Variants in CDK15 observed in about 807,000 individuals in gnomAD.
CDK15 encodes the protein cyclin-dependent kinase 15.
Under a neutral mutation model 60.3 loss-of-function variants are expected in CDK15, and 62 were observed. The ratio of observed to expected loss-of-function variants is 1.03; its 90% CI spans 0.84 to 1.27. CDK15 has a LOEUF of 1.27. Among genes scored for constraint, CDK15 ranks in the 50% most tolerant of loss-of-function variants. The pLI is 0.00. For missense variants in CDK15, 541 were observed against 527.8 expected (o/e 1.03, Z -0.25); for synonymous variants, 194 against 195.7 (o/e 0.99, Z 0.07).
At chr2:201,809,075 A>G (rs377736824) in intron 3 of CDK15, among the ~76,000 whole-genome samples, 1 of 152,096 alleles carries the variant, frequency 6.6e-6, no homozygotes, top group Non-Finnish European at 1.5e-5. Context: ...TGTTTTAGTC[A>G]TGGTGTACCT....
rs1434467509 is a variant in CDK15 at position 201,823,714 on chromosome 2, C to CTT, written c.594_595insTT (p.His199PhefsTer28). Reference sequence around the variant, plus strand: ...TCTCAGCATCCAGGAGGGCTTCATCCTCATAATGTCAGAGTGAGTACGTTA... The same window carrying CTT: ...TCTCAGCATCCAGGAGGGCTTCATCCTTTCATAATGTCAGAGTGAGTACGTTA... On this transcript the variant is annotated frameshift_variant, in exon 6 of 14. Transcript: ENST00000652192. LOFTEE classifies it high-confidence loss of function. The CTT allele has an allele frequency of 6.2e-7, 1 of 1,613,616 alleles. No individual in the cohort carries two copies.
intron 10 of CDK15, among the ~76,000 whole-genome samples, chr2:201,868,192 G>A (rs1319742673): frequency 6.6e-6 from 1 of 152,198 alleles, no homozygotes; most frequent in African/African-American, 2.4e-5. Flanking sequence ...GTGGGAGAGA[G>A]AGGGATGTTA....
rs947354576 is a variant in CDK15, at chr2:201,894,428, A to C, written c.*1161A>C. 1 of 152,248 alleles carries C rather than the reference A, an allele frequency of 6.6e-6. No individual in the cohort carries two copies. The highest frequency in any genetic ancestry group is 2.4e-5 in the African/African-American group (1 of 41,472). 9.4% of individuals were successfully genotyped at this position (152,248 alleles called of 1,614,324 possible). A position where few individuals can be genotyped will look rare whatever the true frequency, so the allele number is the denominator to read the frequency against. On this transcript the variant is annotated 3_prime_UTR_variant, in exon 14 of 14. Transcript: ENST00000652192. ...GTAAGGCATTTGACAAAGACTGTCC[A>C]GCTATACCTGAAAGATGAAACAGTG...
chr2:201,826,956 C>T (rs1386841418), intron 6 of CDK15, among the ~76,000 whole-genome samples: 3 of 152,192 alleles, frequency 2.0e-5, no homozygotes, highest in African/African-American at 4.8e-5. Flanking sequence ...TCTGAGAGGA[C>T]AAACATTTTG....
At chr2:201,881,800 CA>C (rs1201542983) in intron 12 of CDK15, among the ~76,000 whole-genome samples, 3 of 152,146 alleles carry the variant, frequency 2.0e-5, no homozygotes, top group African/African-American at 7.2e-5. Context: ...CTTCCCAGTC[CA>C]AGCCCCTAGA....
At chr2:201,854,810 T>C in intron 9 of CDK15, 64 bp from the exon 10 acceptor site, 1 of 1,417,670 alleles carries the variant, frequency 7.1e-7, no homozygotes, top group South Asian at 1.2e-5. Flanking sequence ...CATGTCTCCA[T>C]ACCTCTTCCA....
intron 4 of CDK15, among the ~76,000 whole-genome samples, chr2:201,819,344 G>A (rs1461867012): frequency 6.6e-6 from 1 of 152,242 alleles, no homozygotes; most frequent in African/African-American, 2.4e-5. Context: ...GTGTTTGCAA[G>A]TGTGTCTAAG....
intron 8 of CDK15, 61 bp downstream of exon 8, chr2:201,835,824 CATTAT>C (rs1696985002): frequency 7.8e-7 from 1 of 1,281,222 alleles, no homozygotes; most frequent in African/African-American, 1.6e-5. Context: ...TTATCATCTA[CATTAT>C]ATTTTAATAA....
chr2:201,860,932 TCTG>T, intron 10 of CDK15: 5 of 1,303,606 alleles, frequency 3.8e-6, no homozygotes, highest in Non-Finnish European at 5.0e-6. Flanking sequence ...AAAGAGCTAT[TCTG>T]CTTTGGGCTC....
chr2:201,871,996 C>T (rs1698866119), intron 10 of CDK15, among the ~76,000 whole-genome samples: 1 of 152,080 alleles, frequency 6.6e-6, no homozygotes, highest in African/African-American at 2.4e-5. Flanking sequence ...ATTACATCTA[C>T]AATGACCCTA....
intron 10 of CDK15, among the ~76,000 whole-genome samples, chr2:201,856,088 A>G (rs1328116497): frequency 6.6e-6 from 1 of 152,136 alleles, no homozygotes; most frequent in Non-Finnish European, 1.5e-5. Flanking sequence ...TCAGCTTCCC[A>G]AAATGCTGGG....
In CDK15 at chr2:201,822,870, C is replaced by T. The variant is rs769082950; in HGVS notation, c.510C>T (p.Thr170=). The T allele has an allele frequency of 8.7e-6, 14 of 1,612,256 alleles. No individual in the cohort carries two copies. Among genetic ancestry groups the T allele is most frequent in the Admixed American group, 1.7e-5 (1 of 59,994 alleles). Residue 170 remains threonine, a synonymous_variant, in exon 5 of 14, where the codon ACC becomes ACT. Coordinates refer to ENST00000652192, the MANE Select transcript of CDK15 (RefSeq NM_001366386.2). ...NIVLLHDIIH[T]KETLTFVFEY... ...TGCTCCTGCATGACATAATCCACAC[C>T]AAAGAGACACTGACATTCGTTTTTG...
rs779366808 is a variant in CDK15, at chr2:201,828,678, G to A, written c.606+4951G>A. Among the ~76,000 whole-genome samples the A allele has an allele frequency of 2.0e-4, 30 of 152,156 alleles. 1 individual carries two copies. The highest frequency in any genetic ancestry group is 4.1e-4 in the Non-Finnish European group (28 of 68,032). The stretch of plus-strand genomic sequence containing the variant: ...GTGGGAGTAGGGATGAGTTCTCCAA[G>A]GTGGAGGCATCAGTGAATGTGGGAA... On this transcript the variant is annotated intron_variant, in intron 6 of 13. Coordinates refer to ENST00000652192, the MANE Select transcript of CDK15 (RefSeq NM_001366386.2).
chr2:201,841,074 T>G (rs577571883), intron 8 of CDK15, among the ~76,000 whole-genome samples: 19 of 152,338 alleles, frequency 1.2e-4, no homozygotes, highest in African/African-American at 4.3e-4. Flanking sequence ...TGTGATGCAT[T>G]CTGGGTAATT....
At chr2:201,836,859 G>A (rs774224065) in intron 8 of CDK15, among the ~76,000 whole-genome samples, 1 of 149,804 alleles carries the variant, frequency 6.7e-6, no homozygotes, top group Non-Finnish European at 1.5e-5. Context: ...ATGCCAGTTC[G>A]ATTTCTAATC....
chr2:201,888,344 A>G, intron 12 of CDK15: 1 of 1,435,124 alleles, frequency 7.0e-7, no homozygotes, highest in Non-Finnish European at 9.1e-7. Context: ...GAAATGATCT[A>G]AATACATAAG....
In CDK15 at chr2:201,872,327, G is replaced by A. The variant is rs781412173; in HGVS notation, c.1058+1G>A. ...GAAGCCTTCATGTTGTCTGGAACAGGTGAGTACTACCTCAGGAAGGGATCT... is the reference window on the plus strand; with the variant it reads ...GAAGCCTTCATGTTGTCTGGAACAGATGAGTACTACCTCAGGAAGGGATCT... On this transcript the variant is annotated splice_donor_variant, in intron 11 of 13. Coordinates refer to ENST00000652192, the MANE Select transcript of CDK15 (RefSeq NM_001366386.2). LOFTEE classifies it high-confidence loss of function. The A allele has an allele frequency of 6.2e-7, 1 of 1,613,876 alleles. No homozygotes were observed. The highest frequency in any genetic ancestry group is 1.7e-5 in the Admixed American group (1 of 60,002).
intron 6 of CDK15, among the ~76,000 whole-genome samples, chr2:201,830,332 A>G (rs1009881216): frequency 6.6e-6 from 1 of 152,194 alleles, no homozygotes; most frequent in Non-Finnish European, 1.5e-5. Context: ...TGTGGAACCA[A>G]AAGAAGAGAG....
chr2:201,888,553 G>T, intron 12 of CDK15: 1 of 1,488,178 alleles, frequency 6.7e-7, no homozygotes, highest in South Asian at 1.3e-5. Context: ...ATTGCTGAAG[G>T]AGAGCCGCGC....
Sources: allele counts gnomAD v4.1 joint callset (sites outside exome capture counted in the v4.1 genomes callset), GRCh38; gene constraint gnomAD v4.1.1; transcripts MANE v1.5; gene names NCBI Gene and HGNC (gene_info 2026-07-23, HGNC 2026-07-21).